Variants in THSD4 observed in about 807,000 individuals in gnomAD.
THSD4 encodes the protein thrombospondin type 1 domain containing 4.
A neutral mutation model predicts 119.0 loss-of-function variants in THSD4; 69 were observed. That is an observed-to-expected ratio of 0.58 (90% CI 0.48 to 0.71). THSD4 has a LOEUF of 0.71. THSD4 is among the 30% of genes least tolerant of loss of function. THSD4 has a pLI of 0.00. For missense variants in THSD4, 1,393 were observed against 1,391.1 expected (o/e 1.00, Z -0.02); for synonymous variants, 524 against 540.4 (o/e 0.97, Z 0.42).
At chr15:71,120,552 C>T (rs1342790303) in intron 1 of THSD4, among the ~76,000 whole-genome samples, 1 of 152,238 alleles carries the variant, frequency 6.6e-6, no homozygotes, top group Non-Finnish European at 1.5e-5. Flanking sequence ...CACCCCACAA[C>T]CGGGTGGGCA....
chr15:71,674,163 T>TC (rs1485542075), intron 8 of THSD4, among the ~76,000 whole-genome samples: 8 of 152,124 alleles, frequency 5.3e-5, no homozygotes, highest in African/African-American at 1.9e-4. Flanking sequence ...TCCACCTTAC[T>TC]CCCCCAGCCC....
At chr15:71,233,683 G>A (rs148612501) in intron 4 of THSD4, among the ~76,000 whole-genome samples, 1 of 152,178 alleles carries the variant, frequency 6.6e-6, no homozygotes, top group Non-Finnish European at 1.5e-5. Flanking sequence ...CCTGTTTAAG[G>A]ATACTTAGAT....
At chr15:71,414,427 TAGGGCCTGGGGA>T (rs1357260947) in intron 7 of THSD4, among the ~76,000 whole-genome samples, 2 of 152,364 alleles carry the variant, frequency 1.3e-5, no homozygotes, top group South Asian at 4.1e-4. Flanking sequence ...TCTGATTCAG[TAGGGCCTGGGGA>T]AGGGCCTGGG....
chr15:71,695,999 G>T (rs1170433504), intron 8 of THSD4, among the ~76,000 whole-genome samples: 2 of 152,204 alleles, frequency 1.3e-5, no homozygotes, highest in African/African-American at 4.8e-5. Context: ...TACAGATAAA[G>T]CATGCAGGAT....
chr15:71,370,936 G>C (rs572981903), intron 6 of THSD4, among the ~76,000 whole-genome samples: 1 of 152,278 alleles, frequency 6.6e-6, no homozygotes, highest in Non-Finnish European at 1.5e-5. Context: ...AAGTCTCTAA[G>C]GACTTGCTTT....
chr15:71,263,426 T>A (rs2044426798), intron 6 of THSD4, among the ~76,000 whole-genome samples: 1 of 151,748 alleles, frequency 6.6e-6, no homozygotes, highest in Non-Finnish European at 1.5e-5. Flanking sequence ...ATAGTGCCAA[T>A]GAAAGAACAT....
chr15:71,661,379 C>T (rs535355532), intron 8 of THSD4, among the ~76,000 whole-genome samples: 1 of 151,868 alleles, frequency 6.6e-6, no homozygotes, highest in East Asian at 1.9e-4. Context: ...ACAAGCCAAT[C>T]GAACACATTA....
intron 1 of THSD4, among the ~76,000 whole-genome samples, chr15:71,127,984 G>A (rs372593614): frequency 2.6e-5 from 4 of 152,042 alleles, no homozygotes; most frequent in East Asian, 1.9e-4. Context: ...CCAGGCCAGC[G>A]TCTTGTAGTA....
At chr15:71,774,982 T>C (rs950035888) in intron 17 of THSD4, among the ~76,000 whole-genome samples, 2 of 151,848 alleles carry the variant, frequency 1.3e-5, no homozygotes, top group Non-Finnish European at 2.9e-5. Context: ...CCATCTCTAC[T>C]AAAAATACAT....
chr15:71,376,789 T>G (rs955708316), intron 6 of THSD4, among the ~76,000 whole-genome samples: 3 of 152,200 alleles, frequency 2.0e-5, no homozygotes, highest in Non-Finnish European at 4.4e-5. Context: ...TCAGTCTGGC[T>G]GGGTTAAGAA....
At chr15:71,600,345 C>T (rs76972192) in intron 7 of THSD4, among the ~76,000 whole-genome samples, 16 of 152,270 alleles carry the variant, frequency 1.1e-4, no homozygotes, top group African/African-American at 3.1e-4. Context: ...TCTGAATTCC[C>T]GTAGGTTTTG....
intron 3 of THSD4, among the ~76,000 whole-genome samples, chr15:71,206,039 G>GA (rs1007070504): frequency 7.2e-5 from 11 of 152,012 alleles, no homozygotes; most frequent in African/African-American, 2.7e-4. Context: ...GTTCTTCATA[G>GA]AAAACGAGTC....
chr15:71,735,433 CCTCT>C (rs201830733), intron 10 of THSD4, among the ~76,000 whole-genome samples: 5 of 151,444 alleles, frequency 3.3e-5, no homozygotes, highest in African/African-American at 4.9e-5. Flanking sequence ...ATCTTGAAAA[CCTCT>C]CTCTCTCTTT....
At chr15:71,577,138 CA>C (rs2049464013) in intron 7 of THSD4, among the ~76,000 whole-genome samples, 1 of 149,724 alleles carries the variant, frequency 6.7e-6, no homozygotes, top group Non-Finnish European at 1.5e-5. Flanking sequence ...TTCTCATATT[CA>C]AAATTATCTC....
At position 71,295,835 on chromosome 15, in the gene THSD4, G is replaced by A. The variant is rs139626384; in HGVS notation, c.1015+39120G>A. On this transcript the variant is annotated intron_variant, in intron 6 of 17. Coordinates refer to ENST00000261862, the MANE Select transcript of THSD4 (RefSeq NM_024817.3). Reference sequence around the variant, plus strand: ...CATCCACTCCCACTCCCTGCCCTAGGCAACAAGTAAGCTATGTACTTTCTG... The same window carrying A: ...CATCCACTCCCACTCCCTGCCCTAGACAACAAGTAAGCTATGTACTTTCTG... Among the ~76,000 whole-genome samples the A allele has an allele frequency of 3.9e-5, 6 of 152,190 alleles. No individual in the cohort carries two copies. The East Asian group carries it at 1.2e-3, about 29-fold the overall frequency.
At chr15:71,539,004 G>A (rs2048723291) in intron 7 of THSD4, among the ~76,000 whole-genome samples, 1 of 152,328 alleles carries the variant, frequency 6.6e-6, no homozygotes, top group Non-Finnish European at 1.5e-5. Context: ...CTGCATGGCT[G>A]CCCTGATAGT....
At chr15:71,384,639 C>G (rs1005185889) in intron 6 of THSD4, among the ~76,000 whole-genome samples, 4 of 151,326 alleles carry the variant, frequency 2.6e-5, no homozygotes, top group Non-Finnish European at 5.9e-5. Context: ...TTTTTGAAAC[C>G]TTCTTAGAAG....
chr15:71,112,083 T>C (rs536977721), upstream of THSD4: 39 of 1,610,718 alleles, frequency 2.4e-5, no homozygotes, highest in South Asian at 4.3e-4. Flanking sequence ...CCACATGCCC[T>C]GAACTCCCAG....
Position 71,360,098 on chromosome 15 carries a change from A to G in THSD4, c.1016-51589A>G, listed in dbSNP as rs1013028315. 2.2e-4 allele frequency among the ~76,000 whole-genome samples: 33 copies of G among 152,116 alleles called. 1 individual carries two copies. Among genetic ancestry groups the G allele is most frequent in the Non-Finnish European group, 4.0e-4 (27 of 68,020 alleles). On this transcript the variant is annotated intron_variant, in intron 6 of 17. Transcript: ENST00000261862. ...GTACTCAGATGGTGGCTGAGGCTGG[A>G]TTCATCCGAAGGCTTCTTGGCTCAC...
Sources: allele counts gnomAD v4.1 joint callset (sites outside exome capture counted in the v4.1 genomes callset), GRCh38; gene constraint gnomAD v4.1.1; transcripts MANE v1.5; gene names NCBI Gene and HGNC (gene_info 2026-07-23, HGNC 2026-07-21).